Variants in DLG2 observed in about 807,000 individuals in gnomAD.
DLG2 encodes the protein disks large homolog 2.
A neutral mutation model predicts 132.5 loss-of-function variants in DLG2; 45 were observed. The observed-to-expected ratio is 0.34, with a 90% CI of 0.27 to 0.44. The LOEUF is 0.44. DLG2 is among the 20% of genes least tolerant of loss of function. The pLI is 1.00. For synonymous variants in DLG2, 424 were observed against 419.6 expected (o/e 1.01, Z -0.13); for missense variants, 1,045 against 1,196.9 (o/e 0.87, Z 1.87).
At chr11:83,579,863 G>T (rs1019546051) in intron 19 of DLG2, among the ~76,000 whole-genome samples, 1 of 151,910 alleles carries the variant, frequency 6.6e-6, no homozygotes, top group African/African-American at 2.4e-5. Flanking sequence ...CCAGCTACTC[G>T]GGAGGCTGAG....
chr11:83,846,656 A>G (rs1438216445), intron 16 of DLG2, among the ~76,000 whole-genome samples: 1 of 152,174 alleles, frequency 6.6e-6, no homozygotes, highest in Non-Finnish European at 1.5e-5. Flanking sequence ...AATTAGGCAC[A>G]CATCTGAGAC....
intron 7 of DLG2, among the ~76,000 whole-genome samples, chr11:84,454,788 A>C (rs2099061011): frequency 6.6e-6 from 1 of 151,448 alleles, no homozygotes; most frequent in Non-Finnish European, 1.5e-5. Context: ...GATGCAAACA[A>C]ATTTATAGTG....
intron 3 of DLG2, among the ~76,000 whole-genome samples, chr11:85,372,190 C>T (rs775321261): frequency 6.6e-6 from 1 of 152,160 alleles, no homozygotes; most frequent in South Asian, 2.1e-4. Context: ...AGTTATCCTG[C>T]AAATCCTGCC....
chr11:84,208,079 A>C (rs2096698727), intron 8 of DLG2, among the ~76,000 whole-genome samples: 1 of 152,186 alleles, frequency 6.6e-6, no homozygotes, highest in South Asian at 2.1e-4. Context: ...TTCTGCTTCA[A>C]CATATCTCAC....
chr11:84,983,300 G>C (rs550186329), intron 6 of DLG2, among the ~76,000 whole-genome samples: 2 of 152,116 alleles, frequency 1.3e-5, no homozygotes, highest in Non-Finnish European at 2.9e-5. Flanking sequence ...ACCCACAGAC[G>C]GTTCACATCA....
At chr11:84,537,652 C>T (rs966445724) in intron 6 of DLG2, among the ~76,000 whole-genome samples, 1 of 152,318 alleles carries the variant, frequency 6.6e-6, no homozygotes, top group Non-Finnish European at 1.5e-5. Context: ...CCAATTACAA[C>T]TCTTGTCATG....
chr11:83,555,634 A>T (rs1443557161), intron 19 of DLG2, among the ~76,000 whole-genome samples: 2 of 152,178 alleles, frequency 1.3e-5, no homozygotes, highest in African/African-American at 4.8e-5. Context: ...TTTCTTCAAA[A>T]GGAAACTTCT....
At chr11:83,895,893 C>G (rs2071508030) in intron 15 of DLG2, among the ~76,000 whole-genome samples, 1 of 152,174 alleles carries the variant, frequency 6.6e-6, no homozygotes, top group Non-Finnish European at 1.5e-5. Flanking sequence ...CATTGTACCC[C>G]CAACCCCATG....
intron 21 of DLG2, among the ~76,000 whole-genome samples, chr11:83,503,567 C>A (rs187681078): frequency 6.6e-6 from 1 of 151,412 alleles, no homozygotes; most frequent in Non-Finnish European, 1.5e-5. Context: ...AACTGAAGAA[C>A]CTGGAGTCCG....
At chr11:83,715,462 C>CT (rs1464583239) in intron 18 of DLG2, among the ~76,000 whole-genome samples, 1 of 152,168 alleles carries the variant, frequency 6.6e-6, no homozygotes, top group East Asian at 1.9e-4. Context: ...GTTTTCCACA[C>CT]TAAAGAGGCA....
At chr11:83,600,234 A>AGGGTGT (rs2058305425) in intron 19 of DLG2, among the ~76,000 whole-genome samples, 1 of 76,604 alleles carries the variant, frequency 1.3e-5, no homozygotes, top group Non-Finnish European at 2.4e-5. Context: ...AGCTAGCTAT[A>AGGGTGT]GGGTGTGTGT....
At chr11:84,657,607 C>T (rs2099689762) in intron 6 of DLG2, among the ~76,000 whole-genome samples, 1 of 152,124 alleles carries the variant, frequency 6.6e-6, no homozygotes, top group Non-Finnish European at 1.5e-5. Flanking sequence ...AAGTACACAA[C>T]CTAGATCCCT....
intron 2 of DLG2, among the ~76,000 whole-genome samples, chr11:85,623,025 TC>T (rs979570102): frequency 6.8e-6 from 1 of 146,102 alleles, no homozygotes; most frequent in African/African-American, 2.6e-5. Flanking sequence ...ACTACTGCAC[TC>T]CCACCTGGGC....
chr11:85,593,184 C>A (rs1325190701), intron 3 of DLG2, among the ~76,000 whole-genome samples: 2 of 152,052 alleles, frequency 1.3e-5, no homozygotes, highest in African/African-American at 4.8e-5. Context: ...ATAGTCGTTA[C>A]AGATTAAATC....
intron 5 of DLG2, among the ~76,000 whole-genome samples, chr11:85,146,760 C>T (rs771266911): frequency 6.6e-5 from 10 of 152,194 alleles, no homozygotes; most frequent in Non-Finnish European, 8.8e-5. Flanking sequence ...ACCCCAAGTC[C>T]ACTGGCCCCA....
intron 4 of DLG2, among the ~76,000 whole-genome samples, chr11:85,217,810 G>T (rs1340194925): frequency 6.6e-6 from 1 of 152,072 alleles, no homozygotes; most frequent in Non-Finnish European, 1.5e-5. Flanking sequence ...TTACCTCTTC[G>T]GTTGCTTTTG....
At chr11:83,770,585 C>A (rs1195814281) in intron 18 of DLG2, among the ~76,000 whole-genome samples, 5 of 152,064 alleles carry the variant, frequency 3.3e-5, no homozygotes, top group African/African-American at 1.2e-4. Context: ...AACTGCCTGA[C>A]ATATAGTAAA....
intron 9 of DLG2, among the ~76,000 whole-genome samples, chr11:84,147,601 T>C (rs951883816): frequency 1.3e-5 from 2 of 152,192 alleles, no homozygotes; most frequent in African/African-American, 4.8e-5. Flanking sequence ...CAGAGTGCTA[T>C]GTTATTCTAG....
At chr11:85,299,679 C>T (rs1234380338) in intron 3 of DLG2, among the ~76,000 whole-genome samples, 2 of 152,124 alleles carry the variant, frequency 1.3e-5, no homozygotes, top group East Asian at 3.8e-4. Context: ...TTATTGTGCA[C>T]CAAAATCACC....
Sources: allele counts gnomAD v4.1 joint callset (sites outside exome capture counted in the v4.1 genomes callset), GRCh38; gene constraint gnomAD v4.1.1; transcripts MANE v1.5; gene names NCBI Gene and HGNC (gene_info 2026-07-23, HGNC 2026-07-21).